Variants in PRDM11 observed in about 807,000 individuals in gnomAD.
The protein encoded by PRDM11 is PR domain-containing protein 11.
In PRDM11, 20 loss-of-function variants were observed where a neutral mutation model predicts 97.8. The ratio of observed to expected loss-of-function variants is 0.20; its 90% CI spans 0.14 to 0.30. The LOEUF is 0.30. Ranked by LOEUF, PRDM11 falls within the 10% of genes least tolerant of loss-of-function variation. PRDM11 has a pLI of 1.00. For missense variants in PRDM11, 1,139 were observed against 1,555.2 expected (o/e 0.73, Z 4.50); for synonymous variants, 599 against 637.7 (o/e 0.94, Z 0.91).
At chr11:45,110,542 C>T (rs1296992587) in intron 1 of PRDM11, among the ~76,000 whole-genome samples, 5 of 152,200 alleles carry the variant, frequency 3.3e-5, no homozygotes, top group African/African-American at 7.2e-5. Context: ...GAGCTGGAAC[C>T]GCCAAGGGGC....
At chr11:45,129,829 G>C (rs764194970) in intron 1 of PRDM11, among the ~76,000 whole-genome samples, 3 of 152,134 alleles carry the variant, frequency 2.0e-5, no homozygotes, top group Admixed American at 1.3e-4. Flanking sequence ...TAGCCAAAAT[G>C]ATGTTGAAGA....
intron 4 of PRDM11, among the ~76,000 whole-genome samples, chr11:45,194,755 C>A (rs1356087433): frequency 6.6e-6 from 1 of 150,512 alleles, no homozygotes; most frequent in African/African-American, 2.4e-5. Context: ...CCCGCCACTA[C>A]GCCCGGCTAA....
rs3740783 is a variant in PRDM11, at chr11:45,233,524, G to C, written c.*5365G>C. Reference sequence around the variant, plus strand: ...GCACAAACTCCTTCAAAACCCTCCCGCACCAGGACTGAGCAGCGTCAGTGG... The same window carrying C: ...GCACAAACTCCTTCAAAACCCTCCCCCACCAGGACTGAGCAGCGTCAGTGG... On this transcript the variant is annotated 3_prime_UTR_variant, in exon 8 of 8. Coordinates refer to ENST00000683152, the MANE Select transcript of PRDM11 (RefSeq NM_001384648.1). 0.91 allele frequency: 138,896 copies of C among 152,280 alleles called. 64,388 individuals carry two copies. Among genetic ancestry groups the C allele is most frequent in the Non-Finnish European group, 0.99 (67,304 of 68,096 alleles). The allele number at this position is 152,280 out of a possible 1,614,324, so 9.4% of individuals were successfully genotyped here. A position where few individuals can be genotyped will look rare whatever the true frequency, so the allele number is the denominator to read the frequency against.
At chr11:45,144,131 C>A (rs1851459712), upstream of PRDM11, among the ~76,000 whole-genome samples, 1 of 152,234 alleles carries the variant, frequency 6.6e-6, no homozygotes. Flanking sequence ...TTTCAGATTC[C>A]TTCCTGTGCC....
In PRDM11 at chr11:45,148,407, C is replaced by CTGT. The variant is rs555915963; in HGVS notation, c.-7+1532_-7+1534dup. Among the ~76,000 whole-genome samples the CTGT allele has an allele frequency of 9.5e-4, 144 of 152,264 alleles. 4 individuals are homozygous for CTGT. In the South Asian group the frequency reaches 0.028, roughly 29 times the overall value. The stretch of plus-strand genomic sequence containing the variant: ...AATGCCTGTTCCAGGGCCTGGCATA[C>CTGT]TGTTTAAGAAGTGTTCTCCCCCAGA... On this transcript the variant is annotated intron_variant, in intron 1 of 7. Transcript: ENST00000683152.
At chr11:45,192,950 G>A (rs930347855) in intron 4 of PRDM11, among the ~76,000 whole-genome samples, 2 of 152,282 alleles carry the variant, frequency 1.3e-5, no homozygotes, top group Admixed American at 6.5e-5. Context: ...GGCGAATATC[G>A]TAGTGACTAC....
Position 45,187,335 on chromosome 11 carries a change from G to A in PRDM11, c.486+4212G>A, listed in dbSNP as rs770995578. ...CACAGCCTATTGGAAAATTGCAGGA[G>A]AAAAAATCTAAGACTGTGCCCAAGG... On this transcript the variant is annotated intron_variant, in intron 4 of 7. Coordinates refer to ENST00000683152, the MANE Select transcript of PRDM11 (RefSeq NM_001384648.1). Among the ~76,000 whole-genome samples, 4 of 152,294 alleles carry A rather than the reference G, an allele frequency of 2.6e-5. No individual in the cohort carries two copies. The East Asian group carries it at 7.7e-4, about 29-fold the overall frequency.
rs1222357331 is a variant in PRDM11 at position 45,128,502 on chromosome 11, AC to A, written c.96+32608del. Among the ~76,000 whole-genome samples the A allele has an allele frequency of 1.2e-4, 14 of 119,158 alleles. No individual in the cohort carries two copies. In the South Asian group the frequency reaches 3.1e-3, roughly 27 times the overall value. The allele number at this position is 119,158 out of a possible 152,430, so 78.2% of individuals were successfully genotyped here. A position where few individuals can be genotyped will look rare whatever the true frequency, so the allele number is the denominator to read the frequency against. ...CAGCCATCTTGGCTACACCCCGCGCACCCCCCCTCCCCCCGCTGATATCATG... is the reference window on the plus strand; with the variant it reads ...CAGCCATCTTGGCTACACCCCGCGCACCCCCCTCCCCCCGCTGATATCATG... On this transcript the variant is annotated intron_variant, in intron 1 of 6. Transcript: ENST00000530656.
At chr11:45,124,276 T>C (rs1376230860) in intron 1 of PRDM11, among the ~76,000 whole-genome samples, 3 of 152,256 alleles carry the variant, frequency 2.0e-5, no homozygotes, top group Non-Finnish European at 4.4e-5. Flanking sequence ...TTTACAATCA[T>C]GTCATCTTCA....
Position 45,227,540 on chromosome 11 carries a change from C to G in PRDM11, c.2915C>G (p.Ala972Gly). ...KICQKTQVIL[A>G]QRFDSRSRIF... ...TGCCAGAAGACCCAGGTCATCCTGG[C>G]TCAGAGGTTCGACTCCCGCAGCCGG... Residue 972 changes from alanine to glycine, a missense_variant, in exon 8 of 8, where the codon GCT becomes GGT. This residue lies in a region of PRDM11 where 710 missense variants were observed against 1,044.9 expected (regional missense o/e 0.68). Transcript: ENST00000683152. The surrounding 1 kb of genome is among the most constrained non-coding windows in gnomAD (Gnocchi z 8.0). 1 of 1,533,932 alleles carries G rather than the reference C, an allele frequency of 6.5e-7. No individual in the cohort carries two copies. The highest frequency in any genetic ancestry group is 8.7e-7 in the Non-Finnish European group (1 of 1,146,746).
chr11:45,219,499 C>T lies in PRDM11; in HGVS notation c.555-71C>T. On this transcript the variant is annotated intron_variant, in intron 5 of 7. Coordinates refer to ENST00000683152, the MANE Select transcript of PRDM11 (RefSeq NM_001384648.1). This position sits in a 1 kb window ranked among gnomAD's most constrained non-coding sequence, Gnocchi z 4.2. ...TCTAACCATCCACACTTGCCCAGCA[C>T]TGTGCCGGCACCAGCGGGCACTCAA... 7.0e-7 allele frequency: 1 copy of T among 1,426,624 alleles called. No individual in the cohort carries two copies. The highest frequency in any genetic ancestry group is 9.6e-7 in the Non-Finnish European group (1 of 1,039,878). The allele number at this position is 1,426,624 out of a possible 1,614,324, so 88.4% of individuals were successfully genotyped here. A position where few individuals can be genotyped will look rare whatever the true frequency, so the allele number is the denominator to read the frequency against.
At chr11:45,210,678 G>A (rs1834460830) in intron 5 of PRDM11, among the ~76,000 whole-genome samples, 1 of 152,188 alleles carries the variant, frequency 6.6e-6, no homozygotes, top group South Asian at 2.1e-4. Context: ...CCTGACAGGT[G>A]GCAGTTCACA....
chr11:45,165,095 G>A (rs548601418), intron 1 of PRDM11, among the ~76,000 whole-genome samples: 4 of 152,270 alleles, frequency 2.6e-5, no homozygotes, highest in East Asian at 3.9e-4. Flanking sequence ...TCTCCAGATC[G>A]CATAGTTAGT....
chr11:45,166,323 CT>C (rs1442395261), intron 1 of PRDM11, among the ~76,000 whole-genome samples: 3 of 152,222 alleles, frequency 2.0e-5, no homozygotes, highest in African/African-American at 7.2e-5. Context: ...CCCTTCTATC[CT>C]TTCAGCAATC....
chr11:45,225,077 A>G, intron 7 of PRDM11: 1 of 1,437,212 alleles, frequency 7.0e-7, no homozygotes, highest in Non-Finnish European at 9.1e-7. Context: ...CAATAAAGGA[A>G]GTTCCGCTGC....
At chr11:45,122,222 C>T (rs1477140912) in intron 1 of PRDM11, among the ~76,000 whole-genome samples, 2 of 135,762 alleles carry the variant, frequency 1.5e-5, no homozygotes, top group African/African-American at 5.1e-5. Context: ...CACACACACA[C>T]ACACACACAC....
rs759451606 is a variant in PRDM11, at chr11:45,224,559, A to T, written c.1085A>T (p.Glu362Val). The T allele has an allele frequency of 4.3e-6, 7 of 1,613,566 alleles. No homozygotes were observed. In the African/African-American group the frequency reaches 9.4e-5, roughly 22 times the overall value. ...CAGAATATAGGCCAGACCCAGGGGG[A>T]GGGGGACTGGAAGGTCCCCCAGGGG... ...GVQNIGQTQGEGDWKVPQGVS... is the reference protein window; with the variant it reads ...GVQNIGQTQGVGDWKVPQGVS... The change falls in exon 7 of 8, where the codon GAG becomes GTG. Residue 362 changes from glutamate (E) to valine (V), a missense_variant. By Grantham distance (121) the Glu-to-Val change is moderately radical (BLOSUM62 -2). Coordinates refer to ENST00000683152, the MANE Select transcript of PRDM11 (RefSeq NM_001384648.1).
At chr11:45,155,278 G>A (rs1181967510) in intron 1 of PRDM11, among the ~76,000 whole-genome samples, 1 of 152,236 alleles carries the variant, frequency 6.6e-6, no homozygotes, top group Non-Finnish European at 1.5e-5. Context: ...CCGATGCCAG[G>A]GGATGGAGAT....
upstream of PRDM11, among the ~76,000 whole-genome samples, chr11:45,146,524 G>C (rs1851511947): frequency 6.6e-6 from 1 of 151,856 alleles, no homozygotes; most frequent in Non-Finnish European, 1.5e-5. Context: ...GGGCCTAAGG[G>C]GCCCCGGGAG....
Sources: gnomAD v4.1 joint callset for allele counts (sites outside exome capture counted in the v4.1 genomes callset) on GRCh38, gnomAD v4.1.1 for gene constraint, gnomAD v4.1.1 regional missense constraint, Gnocchi (gnomAD v3.1) non-coding constraint, MANE v1.5 for transcripts, NCBI Gene and HGNC (gene_info 2026-07-23, HGNC 2026-07-21) for gene names.